The following ADARB2 variants were observed in gnomAD, a reference collection of about 807,000 sequenced individuals.
The protein encoded by ADARB2 is adenosine deaminase RNA specific B2 (inactive), also known as inactive double-stranded RNA-specific editase B2.
ADARB2 carries 25 observed loss-of-function variants against 62.2 expected under a neutral mutation model. That is an observed-to-expected ratio of 0.40 (90% CI 0.29 to 0.56). The LOEUF (loss-of-function observed/expected upper bound fraction) is 0.56. Ranked by LOEUF, ADARB2 falls within the 20% of genes least tolerant of loss-of-function variation. The pLI is 0.43. For missense variants in ADARB2, 1,071 were observed against 1,077.4 expected, an observed-to-expected ratio of 0.99 and a Z score of 0.08; for synonymous variants, 572 against 500.8, an observed-to-expected ratio of 1.14 and a Z score of -1.90.
chr10:1,326,861 C>A (rs2997720), intron 3 of ADARB2, among the ~76,000 whole-genome samples: 1,784 of 17,402 alleles, frequency 0.1, 120 homozygotes, highest in African/African-American at 0.2. Flanking sequence ...TCCCCACTGC[C>A]CAGCGCCTCC....
intron 1 of ADARB2, among the ~76,000 whole-genome samples, chr10:1,395,192 T>C (rs1832601027): frequency 6.6e-6 from 1 of 152,192 alleles, no homozygotes; most frequent in Non-Finnish European, 1.5e-5. Flanking sequence ...AGATTTTTTA[T>C]TCTCCAAGCC....
At position 1,404,603 on chromosome 10, in the gene ADARB2, G is replaced by A. The variant is rs35143018; in HGVS notation, c.101-25443C>T. Among the ~76,000 whole-genome samples the A allele has an allele frequency of 4.1e-3, 627 of 152,320 alleles. 3 individuals carry two copies. The highest frequency in any genetic ancestry group is 0.014 in the South Asian group (67 of 4,830). ...GTAGAAAAGTGACCACTTGTGTCAG[G>A]CACTGAGCTGAGCTGAATCCAAATT... On this transcript the variant is annotated intron_variant, in intron 1 of 9. Coordinates refer to ENST00000381312, the MANE Select transcript of ADARB2 (RefSeq NM_018702.4).
intron 8 of ADARB2, among the ~76,000 whole-genome samples, chr10:1,195,423 G>C (rs979755047): frequency 1.4e-5 from 2 of 145,900 alleles, no homozygotes; most frequent in African/African-American, 5.1e-5. Context: ...TTAAGATAAG[G>C]GTCTTTAGTC....
At chr10:1,670,958 C>T (rs1268802615) in intron 1 of ADARB2, among the ~76,000 whole-genome samples, 1 of 152,202 alleles carries the variant, frequency 6.6e-6, no homozygotes, top group African/African-American at 2.4e-5. Flanking sequence ...AGGCTTATTA[C>T]ACATCTATTG....
At chr10:1,502,110 G>C (rs1033409132) in intron 1 of ADARB2, among the ~76,000 whole-genome samples, 1 of 152,234 alleles carries the variant, frequency 6.6e-6, no homozygotes, top group Admixed American at 6.5e-5. Flanking sequence ...ATGCCACACA[G>C]TGTCCACCTG....
intron 2 of ADARB2, among the ~76,000 whole-genome samples, chr10:1,368,561 G>A (rs1035529611): frequency 2.6e-5 from 4 of 152,240 alleles, no homozygotes; most frequent in African/African-American, 7.2e-5. Flanking sequence ...GGCTGGGGTT[G>A]CGTCTCCCTC....
intron 1 of ADARB2, among the ~76,000 whole-genome samples, chr10:1,690,317 G>A (rs1339678487): frequency 1.3e-5 from 2 of 152,218 alleles, no homozygotes; most frequent in South Asian, 2.1e-4. Context: ...CGTTTTGGAT[G>A]TTAGCAACTT....
At chr10:1,584,222 A>G (rs1833144629) in intron 1 of ADARB2, among the ~76,000 whole-genome samples, 1 of 152,240 alleles carries the variant, frequency 6.6e-6, no homozygotes, top group Non-Finnish European at 1.5e-5. Context: ...GAAAATATAT[A>G]AAGGACAGTT....
At chr10:1,652,412 C>CTG (rs1304905972) in intron 1 of ADARB2, among the ~76,000 whole-genome samples, 2 of 152,204 alleles carry the variant, frequency 1.3e-5, no homozygotes, top group African/African-American at 4.8e-5. Context: ...ACCAAGCCAT[C>CTG]TGTGCTCCTC....
At chr10:1,632,580 G>C (rs1283020771) in intron 1 of ADARB2, among the ~76,000 whole-genome samples, 3 of 152,218 alleles carry the variant, frequency 2.0e-5, no homozygotes, top group Non-Finnish European at 4.4e-5. Flanking sequence ...CCCAGAGACA[G>C]TGTCCATGAC....
intron 1 of ADARB2, among the ~76,000 whole-genome samples, chr10:1,531,089 C>A (rs569987874): frequency 1.3e-5 from 2 of 152,350 alleles, no homozygotes; most frequent in South Asian, 2.1e-4. Flanking sequence ...TGATAGCTGG[C>A]GATCCACAGC....
intron 1 of ADARB2, among the ~76,000 whole-genome samples, chr10:1,610,554 G>A (rs1355173740): frequency 1.3e-5 from 2 of 152,244 alleles, no homozygotes; most frequent in Non-Finnish European, 2.9e-5. Flanking sequence ...ACAGGTGCCT[G>A]CCGGGGTCCT....
intron 1 of ADARB2, among the ~76,000 whole-genome samples, chr10:1,450,758 C>T (rs1308279965): frequency 1.3e-5 from 2 of 152,182 alleles, no homozygotes; most frequent in Non-Finnish European, 2.9e-5. Context: ...GCATGGGGCC[C>T]CTGGGGCTTT....
At chr10:1,692,687 T>C (rs1834688383) in intron 1 of ADARB2, among the ~76,000 whole-genome samples, 1 of 151,130 alleles carries the variant, frequency 6.6e-6, no homozygotes, top group Non-Finnish European at 1.5e-5. Flanking sequence ...ACACCTTCTC[T>C]GCTTGGCTCC....
intron 1 of ADARB2, among the ~76,000 whole-genome samples, chr10:1,569,072 GAC>G (rs2047450133): frequency 6.6e-6 from 1 of 150,976 alleles, no homozygotes; most frequent in South Asian, 2.1e-4. Context: ...GAGAGACAGA[GAC>G]AGACACACAG....
intron 3 of ADARB2, among the ~76,000 whole-genome samples, chr10:1,323,632 G>A (rs1831817674): frequency 6.6e-6 from 1 of 152,114 alleles, no homozygotes; most frequent in Non-Finnish European, 1.5e-5. Flanking sequence ...GGATGCATGG[G>A]TCCATAGAGC....
chr10:1,418,071 G>A (rs897464298), intron 1 of ADARB2, among the ~76,000 whole-genome samples: 2 of 152,226 alleles, frequency 1.3e-5, no homozygotes, highest in African/African-American at 4.8e-5. Flanking sequence ...CTTTGGAGCA[G>A]ACGGCCCAGG....
intron 3 of ADARB2, among the ~76,000 whole-genome samples, chr10:1,358,656 G>A (rs1588230946): frequency 9.6e-6 from 1 of 103,674 alleles, no homozygotes; most frequent in Admixed American, 1.0e-4. Flanking sequence ...GCAAAACAAA[G>A]ATTCTTTTAA....
At chr10:1,549,490 C>T (rs546995510) in intron 1 of ADARB2, among the ~76,000 whole-genome samples, 22 of 152,056 alleles carry the variant, frequency 1.4e-4, no homozygotes, top group Non-Finnish European at 2.6e-4. Flanking sequence ...GCAGGGTGCC[C>T]GGGGTTGGTG....
Sources: allele counts gnomAD v4.1 joint callset (sites outside exome capture counted in the v4.1 genomes callset), GRCh38; gene constraint gnomAD v4.1.1; transcripts MANE v1.5; gene names NCBI Gene and HGNC (gene_info 2026-07-23, HGNC 2026-07-21).